GPC5: variants seen among roughly 807,000 people sequenced by gnomAD.
GPC5 encodes the protein glypican 5, also known as glypican-5.
Under a neutral mutation model 53.9 loss-of-function variants are expected in GPC5, and 47 were observed. That is an observed-to-expected ratio of 0.87 (90% CI 0.69 to 1.11). The LOEUF (loss-of-function observed/expected upper bound fraction) is 1.11, where lower values mean the gene tolerates loss of function less well. Among genes scored for constraint, GPC5 ranks in the 50% most tolerant of loss-of-function variants. The pLI is 0.00. For synonymous variants in GPC5, 286 were observed against 263.3 expected, an observed-to-expected ratio of 1.09 and a Z score of -0.84; for missense variants, 748 against 713.1, an observed-to-expected ratio of 1.05 and a Z score of -0.56.
intron 7 of GPC5, among the ~76,000 whole-genome samples, chr13:92,289,009 C>T (rs891070983): frequency 1.3e-5 from 2 of 151,706 alleles, no homozygotes; most frequent in African/African-American, 4.8e-5. Flanking sequence ...TAGATGTCAT[C>T]TGTGAATACT....
chr13:92,268,241 G>A (rs2042815815), intron 7 of GPC5, among the ~76,000 whole-genome samples: 1 of 151,704 alleles, frequency 6.6e-6, no homozygotes, highest in Admixed American at 6.6e-5. Context: ...TTCAAAAAAA[G>A]GTAAAAAGGA....
At chr13:92,002,716 C>A (rs1009488708) in intron 6 of GPC5, among the ~76,000 whole-genome samples, 2 of 152,074 alleles carry the variant, frequency 1.3e-5, no homozygotes, top group Admixed American at 6.5e-5. Context: ...ATAAAGTGAA[C>A]AACAACCAAA....
At chr13:91,877,278 T>C (rs904607680) in intron 5 of GPC5, among the ~76,000 whole-genome samples, 1 of 151,918 alleles carries the variant, frequency 6.6e-6, no homozygotes, top group African/African-American at 2.4e-5. Flanking sequence ...TCCAGAAGAA[T>C]GGTAGATCCA....
chr13:92,552,880 G>A (rs944460718), intron 7 of GPC5, among the ~76,000 whole-genome samples: 1 of 151,858 alleles, frequency 6.6e-6, no homozygotes, highest in Non-Finnish European at 1.5e-5. Context: ...CTTCTTCAAA[G>A]GGTTCTCTCT....
intron 7 of GPC5, among the ~76,000 whole-genome samples, chr13:92,174,592 C>T (rs1242383906): frequency 6.6e-6 from 1 of 151,132 alleles, no homozygotes. Flanking sequence ...ATTTAAATAA[C>T]TCATTACTTC....
chr13:92,673,070 T>G (rs565259252), intron 7 of GPC5, among the ~76,000 whole-genome samples: 2 of 152,220 alleles, frequency 1.3e-5, no homozygotes, highest in East Asian at 3.9e-4. Flanking sequence ...AAACTCAACT[T>G]TAAAGTAGCT....
intron 7 of GPC5, among the ~76,000 whole-genome samples, chr13:92,612,656 C>T (rs1884477471): frequency 6.6e-6 from 1 of 152,060 alleles, no homozygotes; most frequent in Non-Finnish European, 1.5e-5. Flanking sequence ...TCATAGTGCT[C>T]ACATTGCACT....
intron 6 of GPC5, among the ~76,000 whole-genome samples, chr13:91,944,117 A>G (rs2039953367): frequency 6.7e-6 from 1 of 149,222 alleles, no homozygotes; most frequent in Non-Finnish European, 1.5e-5. Context: ...TTTTTTTAAG[A>G]CTGAGTCTGG....
At chr13:92,547,922 C>T (rs1337493977) in intron 7 of GPC5, among the ~76,000 whole-genome samples, 5 of 149,138 alleles carry the variant, frequency 3.4e-5, no homozygotes, top group Admixed American at 2.0e-4. Context: ...CTCCGCCTCC[C>T]GGGTTCACAC....
At chr13:91,822,640 G>A (rs879674611) in intron 5 of GPC5, among the ~76,000 whole-genome samples, 1 of 152,040 alleles carries the variant, frequency 6.6e-6, no homozygotes, top group African/African-American at 2.4e-5. Context: ...AACTACCCCT[G>A]TGCTGTTCTC....
intron 7 of GPC5, among the ~76,000 whole-genome samples, chr13:92,663,485 TC>T (rs1276602694): frequency 6.6e-6 from 1 of 150,450 alleles, no homozygotes. Context: ...ACGCCTCTAA[TC>T]TCAGCACTTT....
chr13:92,408,653 C>CACAT (rs1555333402), intron 7 of GPC5, among the ~76,000 whole-genome samples: 2,207 of 147,088 alleles, frequency 0.015, 44 homozygotes, highest in African/African-American at 0.046. Context: ...CACACACACA[C>CACAT]ATATAATACA....
rs139349606 is a variant in GPC5 at position 92,348,142 on chromosome 13, G to C, written c.1561+203153G>C. ...GTCCTTGTCTATCAATAATTACCTT[G>C]AATATAAATGCATTAAATTCTCCAA... On this transcript the variant is annotated intron_variant, in intron 7 of 7. Transcript: ENST00000377067. 3.3e-4 allele frequency among the ~76,000 whole-genome samples: 49 copies of C among 148,778 alleles called. No individual in the cohort carries two copies. In the East Asian group the frequency reaches 8.8e-3, roughly 27 times the overall value.
At chr13:92,562,016 A>G (rs1882714284) in intron 7 of GPC5, among the ~76,000 whole-genome samples, 1 of 152,064 alleles carries the variant, frequency 6.6e-6, no homozygotes, top group Non-Finnish European at 1.5e-5. Context: ...TTAGAGATCC[A>G]CTTGATACAG....
At chr13:91,734,304 G>T (rs143204175) in intron 4 of GPC5, among the ~76,000 whole-genome samples, 1 of 151,220 alleles carries the variant, frequency 6.6e-6, no homozygotes, top group Non-Finnish European at 1.5e-5. Context: ...TCAATTTGGC[G>T]TTCACTCCGT....
intron 7 of GPC5, among the ~76,000 whole-genome samples, chr13:92,370,094 AAAAC>A (rs1003249927): frequency 2.0e-5 from 3 of 152,252 alleles, no homozygotes; most frequent in African/African-American, 7.2e-5. Context: ...TAATTTGATT[AAAAC>A]AAACTCAGAA....
chr13:92,412,669 G>T lies in GPC5; in HGVS notation c.1561+267680G>T, dbSNP rs557843513. On this transcript the variant is annotated intron_variant, in intron 7 of 7. Coordinates refer to ENST00000377067, the MANE Select transcript of GPC5 (RefSeq NM_004466.6). ...TGCACTGCAACAGAAGAGTTGAGTA[G>T]TTGAGACAGAGACAGACCATATGGT... is the stretch of plus-strand genomic sequence containing the variant. 4.6e-5 allele frequency among the ~76,000 whole-genome samples: 7 copies of T among 152,292 alleles called. No individual in the cohort carries two copies. In the East Asian group the frequency reaches 1.4e-3, roughly 29 times the overall value.
At chr13:92,547,972 G>A (rs1316239898) in intron 7 of GPC5, among the ~76,000 whole-genome samples, 1 of 150,236 alleles carries the variant, frequency 6.7e-6, no homozygotes. Context: ...TGGGACTACA[G>A]GTGCCCGCCA....
chr13:92,207,094 C>G (rs756847416), intron 7 of GPC5, among the ~76,000 whole-genome samples: 1 of 152,030 alleles, frequency 6.6e-6, no homozygotes, highest in Non-Finnish European at 1.5e-5. Context: ...TTAATTTTAC[C>G]CAAACTTTTC....
Sources: allele counts gnomAD v4.1 joint callset (sites outside exome capture counted in the v4.1 genomes callset), GRCh38; gene constraint gnomAD v4.1.1; transcripts MANE v1.5; gene names NCBI Gene and HGNC (gene_info 2026-07-23, HGNC 2026-07-21).